CAAP1: variants seen among roughly 807,000 people sequenced by gnomAD.
CAAP1 encodes caspase activity and apoptosis inhibitor 1.
A neutral mutation model predicts 34.0 loss-of-function variants in CAAP1; 20 were observed. The observed-to-expected ratio is 0.59, with a 90% confidence interval of 0.41 to 0.86. The LOEUF is 0.86. CAAP1 is among the 40% of genes least tolerant of loss of function. The pLI, the probability that CAAP1 is intolerant of heterozygous loss-of-function variation, is 0.00. For synonymous variants in CAAP1, 213 were observed against 166.7 expected, an observed-to-expected ratio of 1.28 and a Z score of -2.14; for missense variants, 538 against 450.5, an observed-to-expected ratio of 1.19 and a Z score of -1.76.
intron 5 of CAAP1, among the ~76,000 whole-genome samples, chr9:26,848,246 G>C (rs1822662909): frequency 6.6e-6 from 1 of 152,176 alleles, no homozygotes; most frequent in Non-Finnish European, 1.5e-5. Flanking sequence ...CAGGCGTGGT[G>C]GTTCATGCCT....
chr9:26,892,432 A>C lies in CAAP1; in HGVS notation c.284T>G (p.Val95Gly), dbSNP rs768547864. The C allele has an allele frequency of 6.2e-7, 1 of 1,603,036 alleles. No homozygotes were observed. The highest frequency in any genetic ancestry group is 8.5e-7 in the Non-Finnish European group (1 of 1,176,752). Residue 95 changes from valine (V) to glycine (G), a missense_variant, in exon 1 of 6, where the codon GTC (valine) becomes GGC (glycine). Physicochemically the swap from Val to Gly is moderately radical, Grantham distance 109. Around this residue, in one of 3 missense-constraint regions of CAAP1, gnomAD observed 514 missense variants for 408.4 expected, o/e 1.26. Transcript: ENST00000333916. ...RKRRSTDSSS[V>G]SGSLQQETKY... ...ACGCACCTGCTGCAAGGAGCCCGAG[A>C]CGCTGGAAGAGTCGGTACTCCTCCG...
chr9:26,868,369 G>T (rs1273705912), intron 4 of CAAP1, among the ~76,000 whole-genome samples: 1 of 152,190 alleles, frequency 6.6e-6, no homozygotes, highest in African/African-American at 2.4e-5. Flanking sequence ...AGCAGAGAAT[G>T]ATGTGATATG....
intron 1 of CAAP1, among the ~76,000 whole-genome samples, chr9:26,892,039 C>A (rs1423855859): frequency 1.3e-5 from 2 of 151,986 alleles, no homozygotes; most frequent in Non-Finnish European, 2.9e-5. Flanking sequence ...ATCTCTAATG[C>A]GGAGTTAACC....
chr9:26,889,228 C>A (rs1035059448), intron 1 of CAAP1, among the ~76,000 whole-genome samples: 1 of 151,952 alleles, frequency 6.6e-6, no homozygotes, highest in East Asian at 1.9e-4. Context: ...ACCAGCCTGG[C>A]CAACATGGTG....
In CAAP1 at chr9:26,883,088, T is replaced by C. The variant is rs1190079217; in HGVS notation, c.665+1722A>G. ...TTGTCTCAGATGAGCCTTTGGACTG[T>C]AGACTTTTGAGTTAATGCTGAAATG... On this transcript the variant is annotated intron_variant, in intron 4 of 5. Transcript: ENST00000333916. Among the ~76,000 whole-genome samples, 5 of 152,310 alleles carry C rather than the reference T, an allele frequency of 3.3e-5. No homozygotes were observed. In the East Asian group the frequency reaches 5.8e-4, roughly 18 times the overall value.
intron 4 of CAAP1, among the ~76,000 whole-genome samples, chr9:26,879,488 G>A (rs1175292427): frequency 6.6e-6 from 1 of 152,162 alleles, no homozygotes; most frequent in Non-Finnish European, 1.5e-5. Flanking sequence ...CTTAGGTACT[G>A]TGATGGTTAT....
At chr9:26,889,391 C>T (rs1806937546) in intron 1 of CAAP1, among the ~76,000 whole-genome samples, 1 of 151,922 alleles carries the variant, frequency 6.6e-6, no homozygotes, top group African/African-American at 2.4e-5. Flanking sequence ...GCACTCCAGT[C>T]TGGGCAACAA....
intron 1 of CAAP1, among the ~76,000 whole-genome samples, chr9:26,888,687 G>A (rs887142964): frequency 6.6e-6 from 1 of 152,212 alleles, no homozygotes; most frequent in African/African-American, 2.4e-5. Context: ...AGCTACTTTG[G>A]AAGCTAATTT....
At chr9:26,892,126 T>G in intron 1 of CAAP1, 1 of 685,556 alleles carries the variant, frequency 1.5e-6, no homozygotes, top group Non-Finnish European at 2.2e-6. Flanking sequence ...CCAACTCGTA[T>G]TCTTCCGGCA....
chr9:26,868,254 G>T (rs551557224), intron 4 of CAAP1, among the ~76,000 whole-genome samples: 1 of 152,132 alleles, frequency 6.6e-6, no homozygotes, highest in East Asian at 1.9e-4. Flanking sequence ...TTGAAATGGG[G>T]AGATTATCTT....
chr9:26,880,592 G>C (rs1193483245), intron 4 of CAAP1: 1 of 155,168 alleles, frequency 6.4e-6, no homozygotes, highest in Non-Finnish European at 1.4e-5. Flanking sequence ...CCTTCACCTA[G>C]AGTTCAGTGA....
intron 5 of CAAP1, among the ~76,000 whole-genome samples, chr9:26,847,419 T>G (rs1297726136): frequency 6.6e-6 from 1 of 151,708 alleles, no homozygotes; most frequent in Non-Finnish European, 1.5e-5. Context: ...TTTCACCGTG[T>G]TAGCCAGGAT....
intron 5 of CAAP1, among the ~76,000 whole-genome samples, chr9:26,851,260 T>G (rs1488866638): frequency 6.6e-6 from 1 of 152,198 alleles, no homozygotes; most frequent in African/African-American, 2.4e-5. Context: ...CAGGGAGATA[T>G]TCATAGATAT....
At chr9:26,891,074 T>A (rs1385917219) in intron 1 of CAAP1, among the ~76,000 whole-genome samples, 1 of 152,216 alleles carries the variant, frequency 6.6e-6, no homozygotes, top group Non-Finnish European at 1.5e-5. Flanking sequence ...TCAACTAACT[T>A]ATCAACAAAT....
chr9:26,884,780 T>A lies in CAAP1; in HGVS notation c.665+30A>T, dbSNP rs1329273818. On this transcript the variant is annotated intron_variant, in intron 4 of 5. Coordinates refer to ENST00000333916, the MANE Select transcript of CAAP1 (RefSeq NM_024828.4). ...CACCAAAGGAATAACAAAGAAATTT[T>A]GAAATAAAAATGAAAGTTTTTAAAC... 2.7e-6 allele frequency: 4 copies of A among 1,471,866 alleles called. No individual in the cohort carries two copies. In the East Asian group the frequency reaches 6.8e-5, roughly 25 times the overall value. The allele number at this position is 1,471,866 out of a possible 1,614,324, so 91.2% of individuals were successfully genotyped here.
chr9:26,885,011 T>C (rs185742096), intron 3 of CAAP1, 126 bp from the exon 4 acceptor site: 28 of 650,778 alleles, frequency 4.3e-5, no homozygotes, highest in Admixed American at 3.5e-4. Flanking sequence ...GGTCAAAACT[T>C]AAATTTTTAA....
intron 5 of CAAP1, among the ~76,000 whole-genome samples, chr9:26,855,456 G>A (rs1451052926): frequency 6.6e-6 from 1 of 152,068 alleles, no homozygotes; most frequent in Non-Finnish European, 1.5e-5. Flanking sequence ...CAACACAAAG[G>A]TTAAGCCCTA....
At chr9:26,891,535 G>A (rs1823903449) in intron 1 of CAAP1, among the ~76,000 whole-genome samples, 7 of 151,876 alleles carry the variant, frequency 4.6e-5, no homozygotes, top group Admixed American at 4.6e-4. Context: ...TCTTGTAGGA[G>A]ATATATACAT....
intron 5 of CAAP1, among the ~76,000 whole-genome samples, chr9:26,844,906 G>A (rs1278842153): frequency 6.6e-6 from 1 of 152,130 alleles, no homozygotes. Context: ...TCTACACGTG[G>A]CAAGCCCTTT....
Sources: gnomAD v4.1 joint callset for allele counts (sites outside exome capture counted in the v4.1 genomes callset) on GRCh38, gnomAD v4.1.1 for gene constraint, gnomAD v4.1.1 regional missense constraint, MANE v1.5 for transcripts, NCBI Gene and HGNC (gene_info 2026-07-23, HGNC 2026-07-21) for gene names.